The following TRPM6 variants were observed in gnomAD, a reference collection of about 807,000 sequenced individuals.
The protein encoded by TRPM6 is transient receptor potential cation channel subfamily M member 6, also known as channel kinase 2.
Under a neutral mutation model 247.6 loss-of-function variants are expected in TRPM6, and 111 were observed. The observed-to-expected ratio is 0.45, with a 90% confidence interval of 0.38 to 0.52. The LOEUF (loss-of-function observed/expected upper bound fraction) is 0.52, where lower values mean the gene tolerates loss of function less well. Among genes scored for constraint, TRPM6 ranks in the 20% least tolerant of loss-of-function variants. TRPM6 has a pLI of 0.00. For synonymous variants in TRPM6, 892 were observed against 853.8 expected, an observed-to-expected ratio of 1.04 and a Z score of -0.78; for missense variants, 2,126 against 2,421.5, an observed-to-expected ratio of 0.88 and a Z score of 2.56.
At chr9:74,745,945 T>A (rs568102300) in intron 31 of TRPM6, among the ~76,000 whole-genome samples, 38 of 152,296 alleles carry the variant, frequency 2.5e-4, no homozygotes, top group Middle Eastern at 3.4e-3. Flanking sequence ...TTACAACTGC[T>A]TAAAAATGGT....
chr9:74,742,573 C>T lies in TRPM6; in HGVS notation c.5188G>A (p.Val1730Ile), dbSNP rs751660942. The T allele has an allele frequency of 3.7e-6, 6 of 1,613,778 alleles. No individual in the cohort carries two copies. In the African/African-American group the frequency reaches 6.7e-5, roughly 18 times the overall value. Residue 1730 changes from valine (V) to isoleucine (I), a missense_variant, in exon 33 of 39, where the codon GTC becomes ATC. Val to Ile is a conservative substitution (Grantham distance 29). Around this residue, in one of 3 missense-constraint regions of TRPM6, gnomAD observed 327 missense variants for 397.7 expected, o/e 0.82. Coordinates refer to ENST00000360774, the MANE Select transcript of TRPM6 (RefSeq NM_017662.5). ...AAATGCTACTCACCAAACAGTTGGACTGGTGTAAATGGTATGGTCTGAGAA... is the reference window on the plus strand; with the variant it reads ...AAATGCTACTCACCAAACAGTTGGATTGGTGTAAATGGTATGGTCTGAGAA... ...RLSQTIPFTP[V>I]QLFAGEEITV...
intron 3 of TRPM6, among the ~76,000 whole-genome samples, chr9:74,845,004 T>C (rs1830061430): frequency 6.6e-6 from 1 of 152,180 alleles, no homozygotes; most frequent in South Asian, 2.1e-4. Context: ...TCAGAACATA[T>C]ATAACATTTA....
chr9:74,782,459 A>G lies in TRPM6; in HGVS notation c.3112T>C (p.Ser1038Pro). The part of the protein sequence containing the change: ...GEIDVCSSQP[S>P]CPPGSFLTPF... ...GTAAGAAAAGAACCAGGAGGGCAGG[A>G]TGGCTGGCTTGAACAAACTACAAAT... Residue 1038 changes from serine (S) to proline (P), a missense_variant, in exon 23 of 39, where the codon TCC becomes CCC. Ser to Pro is a moderately conservative substitution (Grantham distance 74). This residue lies in a region of TRPM6 where 1,082 missense variants were observed against 1,307.9 expected (regional missense o/e 0.83). Transcript: ENST00000360774. The G allele has an allele frequency of 6.2e-7, 1 of 1,614,056 alleles. No individual in the cohort carries two copies. The highest frequency in any genetic ancestry group is 8.5e-7 in the Non-Finnish European group (1 of 1,179,934).
chr9:74,816,540 C>T, intron 11 of TRPM6, 129 bp downstream of exon 11: 2 of 728,546 alleles, frequency 2.7e-6, no homozygotes, highest in South Asian at 3.2e-5. Context: ...CTTAGCTATC[C>T]CAGCTACAGA....
chr9:74,799,696 T>C (rs1006161065), intron 17 of TRPM6, among the ~76,000 whole-genome samples: 15 of 152,160 alleles, frequency 9.9e-5, no homozygotes, highest in Non-Finnish European at 1.9e-4. Context: ...TTGGAGGCAA[T>C]AGCAACTAGT....
chr9:74,830,840 G>T (rs1007521055), intron 6 of TRPM6, among the ~76,000 whole-genome samples: 4 of 128,286 alleles, frequency 3.1e-5, no homozygotes, highest in African/African-American at 9.0e-5. Flanking sequence ...CAAGCAATCC[G>T]CCGGCCTCGG....
rs1204490917 is a variant in TRPM6 at position 74,762,039 on chromosome 9, G to C, written c.4632C>G (p.Phe1544Leu). Residue 1544 changes from phenylalanine to leucine, a missense_variant, in exon 26 of 39, where the codon TTC (phenylalanine) becomes TTG (leucine). Transcript: ENST00000360774. ...RPFARSHSFRFHKEEKLMKIC... is the reference protein window; with the variant it reads ...RPFARSHSFRLHKEEKLMKIC... ...TCTTCATCAATTTCTCCTCCTTATG[G>C]AATCTAAAACTATGACTCCTAGCGA... 6.2e-7 allele frequency: 1 copy of C among 1,614,008 alleles called. No individual in the cohort carries two copies. Among genetic ancestry groups the C allele is most frequent in the Non-Finnish European group, 8.5e-7 (1 of 1,179,986 alleles).
At position 74,759,887 on chromosome 9, in the gene TRPM6, A is replaced by G. The variant is rs148805052; in HGVS notation, c.4785+1809T>C. On this transcript the variant is annotated intron_variant, in intron 27 of 38. Transcript: ENST00000360774. Reference sequence around the variant, plus strand: ...TCAAAAAAGGATTTATATCTAACATATATTTTAAAATGCTCACAACTTTAT... The same window carrying G: ...TCAAAAAAGGATTTATATCTAACATGTATTTTAAAATGCTCACAACTTTAT... Among the ~76,000 whole-genome samples, 1,439 of 152,316 alleles carry G rather than the reference A, an allele frequency of 9.4e-3. 15 individuals carry two copies. The highest frequency in any genetic ancestry group is 0.033 in the African/African-American group (1,372 of 41,566).
Position 74,820,383 on chromosome 9 carries a change from T to C in TRPM6, c.1055A>G (p.Gln352Arg). The change falls in exon 9 of 39, where the codon CAG (glutamine) becomes CGG (arginine). Residue 352 changes from glutamine (Q) to arginine (R), a missense_variant. By Grantham distance (43) the Gln-to-Arg change is conservative. Transcript: ENST00000360774. ...TTTAAGACTAAAGTTGAAAGTGTTC[T>C]GAATCATGCAGATGATCTCCTCTTT... is the stretch of plus-strand genomic sequence containing the variant. ...QVKEEIICMI[Q>R]NTFNFSLKQS... The C allele has an allele frequency of 1.2e-6, 2 of 1,614,178 alleles. No homozygotes were observed. The highest frequency in any genetic ancestry group is 1.7e-6 in the Non-Finnish European group (2 of 1,180,002).
At chr9:74,726,295 AG>A (rs1455887997) in intron 38 of TRPM6, among the ~76,000 whole-genome samples, 2 of 152,182 alleles carry the variant, frequency 1.3e-5, no homozygotes, top group Middle Eastern at 3.2e-3. Context: ...GGATAACCTG[AG>A]GTCAAGAGTT....
chr9:74,816,566 T>C (rs1828938943), intron 11 of TRPM6, 103 bp downstream of exon 11: 11 of 948,284 alleles, frequency 1.2e-5, no homozygotes, highest in Non-Finnish European at 1.8e-5. Flanking sequence ...TACCCCACAC[T>C]TCTACCAAAC....
intron 31 of TRPM6, among the ~76,000 whole-genome samples, chr9:74,745,963 C>G (rs1412332109): frequency 6.6e-6 from 1 of 152,144 alleles, no homozygotes; most frequent in Admixed American, 6.5e-5. Context: ...GGTATTATGG[C>G]CAGGCGCGGG....
chr9:74,773,175 C>A (rs1827109511), intron 24 of TRPM6, among the ~76,000 whole-genome samples: 1 of 152,186 alleles, frequency 6.6e-6, no homozygotes, highest in African/African-American at 2.4e-5. Flanking sequence ...ATCTATTGAA[C>A]ACTAGGTCTT....
At chr9:74,859,843 AG>A (rs1830643978) in intron 1 of TRPM6, among the ~76,000 whole-genome samples, 1 of 152,136 alleles carries the variant, frequency 6.6e-6, no homozygotes, top group South Asian at 2.1e-4. Context: ...CAGAGATGAA[AG>A]GAAGGCTTTC....
At chr9:74,731,695 C>CATATAATAT (rs545977101) in intron 37 of TRPM6, among the ~76,000 whole-genome samples, 143 of 148,212 alleles carry the variant, frequency 9.6e-4, no homozygotes, top group Non-Finnish European at 1.2e-3. Flanking sequence ...TGTAGTTATA[C>CATATAATAT]ATATAATATA....
At position 74,789,005 on chromosome 9, in the gene TRPM6, G is replaced by A. The variant is rs62569678; in HGVS notation, c.2539-263C>T. ...ACACATTGTGCCTTTCTGCTGGCTC[G>A]TGACTGGCATTTCCAGGACCCTGCA... is the stretch of plus-strand genomic sequence containing the variant. On this transcript the variant is annotated intron_variant, in intron 19 of 38. Transcript: ENST00000360774. 0.18 allele frequency among the ~76,000 whole-genome samples: 27,084 copies of A among 152,158 alleles called. 2,897 individuals are homozygous for A. The highest frequency in any genetic ancestry group is 0.27 in the South Asian group (1,307 of 4,828).
At chr9:74,812,688 C>T (rs1484387727) in intron 11 of TRPM6, among the ~76,000 whole-genome samples, 5 of 151,870 alleles carry the variant, frequency 3.3e-5, no homozygotes, top group Non-Finnish European at 7.4e-5. Flanking sequence ...TTAGGTGTTC[C>T]AAACCAGCCT....
chr9:74,755,616 C>T, intron 27 of TRPM6, 143 bp from the exon 28 acceptor site: 1 of 1,048,226 alleles, frequency 9.5e-7, no homozygotes, highest in Non-Finnish European at 1.5e-6. Flanking sequence ...CTGACAAATC[C>T]CATCACTTAG....
chr9:74,878,919 G>A (rs1367766670), intron 1 of TRPM6, among the ~76,000 whole-genome samples: 1 of 152,122 alleles, frequency 6.6e-6, no homozygotes, highest in Non-Finnish European at 1.5e-5. Context: ...AGGAGTTCAG[G>A]AGTTCAATCT....
Sources: gnomAD v4.1 joint callset for allele counts (sites outside exome capture counted in the v4.1 genomes callset) on GRCh38, gnomAD v4.1.1 for gene constraint, gnomAD v4.1.1 regional missense constraint, MANE v1.5 for transcripts, NCBI Gene and HGNC (gene_info 2026-07-23, HGNC 2026-07-21) for gene names.